Variants in MYBL1 observed in about 807,000 individuals in gnomAD.
MYBL1 encodes the protein MYB proto-oncogene like 1, also known as myb-related protein A.
A neutral mutation model predicts 96.3 loss-of-function variants in MYBL1; 17 were observed. The ratio of observed to expected loss-of-function variants is 0.18; its 90% confidence interval spans 0.12 to 0.26. The LOEUF (loss-of-function observed/expected upper bound fraction) is 0.26. MYBL1 is among the 10% of genes least tolerant of loss of function. MYBL1 has a pLI of 1.00. For missense variants in MYBL1, 701 were observed against 882.9 expected (o/e 0.79, Z 2.61); for synonymous variants, 282 against 292.7 (o/e 0.96, Z 0.37).
chr8:66,584,375 A>T (rs1181311547), intron 8 of MYBL1, among the ~76,000 whole-genome samples: 1 of 152,208 alleles, frequency 6.6e-6, no homozygotes, highest in Admixed American at 6.5e-5. Flanking sequence ...TAGCCAAAAC[A>T]ATTAGGCAAG....
At chr8:66,603,483 TCTGA>T (rs748803294) in intron 1 of MYBL1, among the ~76,000 whole-genome samples, 2 of 151,528 alleles carry the variant, frequency 1.3e-5, no homozygotes, top group African/African-American at 2.4e-5. Flanking sequence ...GGAAGAACAT[TCTGA>T]CTTTTTTTTT....
rs1281804000 is a variant in MYBL1 at position 66,595,716 on chromosome 8, C to T, written c.554G>A (p.Arg185Gln). The change falls in exon 6 of 16, where the codon CGA becomes CAA. Residue 185 changes from arginine to glutamine, a missense_variant. Arg to Gln is a conservative substitution (Grantham distance 43). Coordinates refer to ENST00000522677, the MANE Select transcript of MYBL1 (RefSeq NM_001080416.4). ...SIKNHWNSTM[R>Q]RKVEQEGYLQ... is the part of the protein sequence containing the mutation. ...ATAGCCCTCCTGTTCCACTTTTCTT[C>T]GCATAGTAGAATTCCAATGATTTTT... 2 of 1,574,938 alleles carry T rather than the reference C, an allele frequency of 1.3e-6. No individual in the cohort carries two copies. Among genetic ancestry groups the T allele is most frequent in the African/African-American group, 1.4e-5 (1 of 73,958 alleles).
chr8:66,579,869 C>A (rs1044483361), intron 9 of MYBL1, among the ~76,000 whole-genome samples: 5 of 152,016 alleles, frequency 3.3e-5, no homozygotes, highest in African/African-American at 1.2e-4. Context: ...ATAGTTTTCT[C>A]TAGTTTCCAG....
At chr8:66,595,519 A>T in intron 6 of MYBL1, 64 bp downstream of exon 6, 1 of 1,068,990 alleles carries the variant, frequency 9.4e-7, no homozygotes, top group Non-Finnish European at 1.2e-6. Flanking sequence ...TAAGAAACCA[A>T]ACATCTTCCC....
intron 8 of MYBL1, among the ~76,000 whole-genome samples, chr8:66,591,919 G>T (rs930207641): frequency 6.6e-6 from 1 of 151,842 alleles, no homozygotes; most frequent in Non-Finnish European, 1.5e-5. Context: ...GACTCAAGAA[G>T]TATCCTAATA....
At chr8:66,598,472 T>G (rs1809938110) in intron 4 of MYBL1, among the ~76,000 whole-genome samples, 1 of 152,180 alleles carries the variant, frequency 6.6e-6, no homozygotes, top group Non-Finnish European at 1.5e-5. Context: ...ATGCTCTAAT[T>G]CCTCAACTGC....
At chr8:66,582,106 C>T (rs1254340453) in intron 8 of MYBL1, among the ~76,000 whole-genome samples, 1 of 151,956 alleles carries the variant, frequency 6.6e-6, no homozygotes, top group African/African-American at 2.4e-5. Flanking sequence ...CAATAATAAA[C>T]ATTAAGAGAG....
intron 1 of MYBL1, among the ~76,000 whole-genome samples, chr8:66,606,367 A>G (rs1810312157): frequency 6.6e-6 from 1 of 152,234 alleles, no homozygotes; most frequent in African/African-American, 2.4e-5. Context: ...TGATCACCTA[A>G]TAGTATTCAA....
chr8:66,579,215 A>T (rs1413292961), intron 9 of MYBL1, among the ~76,000 whole-genome samples: 1 of 152,024 alleles, frequency 6.6e-6, no homozygotes, highest in Non-Finnish European at 1.5e-5. Context: ...ATGTACCCTA[A>T]AACTTAAAGT....
intron 1 of MYBL1, chr8:66,612,465 ACAGT>A (rs1484622851): frequency 2.0e-5 from 6 of 303,488 alleles, no homozygotes; most frequent in African/African-American, 4.3e-5. Context: ...CCGGCAGGAC[ACAGT>A]CAGTTTTCTC....
At chr8:66,592,331 C>T (rs2129934469) in intron 8 of MYBL1, 109 bp downstream of exon 8, 2 of 707,776 alleles carry the variant, frequency 2.8e-6, no homozygotes, top group Non-Finnish European at 4.6e-6. Context: ...ACTATTTTTA[C>T]TCCATATTAA....
intron 3 of MYBL1, among the ~76,000 whole-genome samples, chr8:66,601,177 CAAAAAAAA>C (rs1167336780): frequency 2.2e-4 from 3 of 13,900 alleles, no homozygotes; most frequent in Admixed American, 1.6e-3. Flanking sequence ...AACTCCGTCT[CAAAAAAAA>C]AAAAAAAAAA....
At chr8:66,608,918 G>C (rs1324113569) in intron 1 of MYBL1, among the ~76,000 whole-genome samples, 1 of 152,098 alleles carries the variant, frequency 6.6e-6, no homozygotes, top group African/African-American at 2.4e-5. Context: ...TCGGTTTCCA[G>C]AATGATTCTG....
At chr8:66,573,974 G>A (rs977103619) in intron 10 of MYBL1, among the ~76,000 whole-genome samples, 1 of 152,072 alleles carries the variant, frequency 6.6e-6, no homozygotes, top group Non-Finnish European at 1.5e-5. Context: ...ATAATGCTTT[G>A]CTGATAAGAA....
intron 8 of MYBL1, among the ~76,000 whole-genome samples, chr8:66,583,209 C>T (rs944296507): frequency 6.6e-6 from 1 of 151,860 alleles, no homozygotes; most frequent in African/African-American, 2.4e-5. Flanking sequence ...AAATCGTAAA[C>T]GGAAATTAAA....
intron 1 of MYBL1, among the ~76,000 whole-genome samples, chr8:66,609,507 A>G (rs527982330): frequency 1.8e-4 from 28 of 152,130 alleles, no homozygotes; most frequent in African/African-American, 6.7e-4. Flanking sequence ...GGTTGATTTA[A>G]TAAAGTGAAA....
intron 15 of MYBL1, chr8:66,565,630 GAA>G (rs11363066): frequency 2.0e-5 from 3 of 151,778 alleles, no homozygotes; most frequent in Non-Finnish European, 4.4e-5. Flanking sequence ...TATCCCAACA[GAA>G]AAAAAAAAGG....
Position 66,600,576 on chromosome 8 carries a change from C to A in MYBL1, c.198+1122G>T, listed in dbSNP as rs145242236. Among the ~76,000 whole-genome samples the A allele has an allele frequency of 2.0e-5, 3 of 152,286 alleles. No homozygotes were observed. In the East Asian group the frequency reaches 5.8e-4, roughly 29 times the overall value. Reference sequence around the variant, plus strand: ...CCTATATGTTATTTCTAGTTCTACACAACCATACTACAGAAACAAGTATGA... The same window carrying A: ...CCTATATGTTATTTCTAGTTCTACAAAACCATACTACAGAAACAAGTATGA... On this transcript the variant is annotated intron_variant, in intron 3 of 15. Transcript: ENST00000522677.
intron 1 of MYBL1, chr8:66,612,209 A>G (rs1810557133): frequency 6.6e-6 from 1 of 152,260 alleles, no homozygotes; most frequent in Non-Finnish European, 1.5e-5. Flanking sequence ...ACTAGTTGTT[A>G]CTATGTGACA....
Sources: gnomAD v4.1 joint callset for allele counts (sites outside exome capture counted in the v4.1 genomes callset) on GRCh38, gnomAD v4.1.1 for gene constraint, MANE v1.5 for transcripts, NCBI Gene and HGNC (gene_info 2026-07-23, HGNC 2026-07-21) for gene names.